PYHIN1: variants seen among roughly 807,000 people sequenced by gnomAD.
The protein encoded by PYHIN1 is pyrin and HIN domain family member 1.
A neutral mutation model predicts 43.7 loss-of-function variants in PYHIN1; 32 were observed. That is an observed-to-expected ratio of 0.73 (90% CI 0.55 to 0.98). The LOEUF (loss-of-function observed/expected upper bound fraction) is 0.98, where lower values mean the gene tolerates loss of function less well. Among genes scored for constraint, PYHIN1 ranks in the 50% least tolerant of loss-of-function variants. The pLI, the probability that PYHIN1 is intolerant of heterozygous loss-of-function variation, is 0.00. For synonymous variants in PYHIN1, 205 were observed against 203.1 expected, an observed-to-expected ratio of 1.01 and a Z score of -0.08; for missense variants, 588 against 589.5, an observed-to-expected ratio of 1.00 and a Z score of 0.03.
chr1:158,985,841 G>T, the PYHIN1 span, among the ~76,000 whole-genome samples: 2 of 152,126 alleles, frequency 1.3e-5, no homozygotes, highest in African/African-American at 4.8e-5. Flanking sequence ...TTGAAGTTTC[G>T]TTCATATTTT....
chr1:158,985,347 A>G, the PYHIN1 span, among the ~76,000 whole-genome samples: 1 of 152,176 alleles, frequency 6.6e-6, no homozygotes, highest in Non-Finnish European at 1.5e-5. Context: ...GGCAGGCCTA[A>G]TGGTAACAAA....
chr1:158,944,974 C>G lies in PYHIN1; in HGVS notation c.1291C>G (p.Leu431Val), dbSNP rs141329952. Residue 431 changes from leucine to valine, a missense_variant, in exon 7 of 9, where the codon CTA becomes GTA. Physicochemically the swap from Leu to Val is conservative, Grantham distance 32. Transcript: ENST00000368140. ...HPKPSEASTT[L>V]PESHLKTPQM... Reference sequence around the variant, plus strand: ...AAAACCTTCAGAGGCCAGCACAACCCTACCTGAAAGCCATCTCAAGACTCC... The same window carrying G: ...AAAACCTTCAGAGGCCAGCACAACCGTACCTGAAAGCCATCTCAAGACTCC... 7.4e-6 allele frequency: 12 copies of G among 1,613,940 alleles called. No individual in the cohort carries two copies. Among genetic ancestry groups the G allele is most frequent in the Middle Eastern group, 1.6e-4 (1 of 6,062 alleles).
chr1:158,959,364 C>A (rs947368191), intron 7 of PYHIN1, among the ~76,000 whole-genome samples: 1 of 151,808 alleles, frequency 6.6e-6, no homozygotes, highest in Non-Finnish European at 1.5e-5. Context: ...AATCAACAAA[C>A]CTGTGGGTAA....
chr1:158,973,472 T>C (rs1011822625), intron 7 of PYHIN1, among the ~76,000 whole-genome samples, 175 bp from the exon 8 acceptor site: 10 of 149,608 alleles, frequency 6.7e-5, no homozygotes, highest in Non-Finnish European at 1.0e-4. Context: ...TCCAGAGAGA[T>C]TAGCAGAGGG....
At chr1:158,984,028 G>GTTTTTTTTTTTTTTTTTTTT in the PYHIN1 span, among the ~76,000 whole-genome samples, 5 of 111,206 alleles carry the variant, frequency 4.5e-5, no homozygotes, top group African/African-American at 1.8e-4. Flanking sequence ...ATCTTCTCCT[G>GTTTTTTTTTTTTTTTTTTTT]TTTTTTTTTT....
chr1:158,987,753 G>C, the PYHIN1 span, among the ~76,000 whole-genome samples: 1 of 151,976 alleles, frequency 6.6e-6, no homozygotes, highest in Non-Finnish European at 1.5e-5. Flanking sequence ...ATTTGTATGT[G>C]ACTATCTAGT....
intron 2 of PYHIN1, among the ~76,000 whole-genome samples, chr1:158,937,443 G>A (rs919426017): frequency 6.6e-6 from 1 of 152,124 alleles, no homozygotes; most frequent in African/African-American, 2.4e-5. Flanking sequence ...TAGTACATTC[G>A]AAAGATTACA....
chr1:158,972,087 G>A (rs1383668405), intron 7 of PYHIN1, among the ~76,000 whole-genome samples: 8 of 151,938 alleles, frequency 5.3e-5, no homozygotes, highest in Non-Finnish European at 8.8e-5. Flanking sequence ...CAGAAAAGTC[G>A]ATCTTTTCTT....
intron 7 of PYHIN1, among the ~76,000 whole-genome samples, chr1:158,961,841 CT>C (rs1319997346): frequency 6.6e-6 from 1 of 152,170 alleles, no homozygotes; most frequent in Non-Finnish European, 1.5e-5. Context: ...GCGGCTGCAG[CT>C]CTGGCAATAG....
rs1272862367 is a variant in PYHIN1, at chr1:158,976,718, T to C, written c.*23T>C. 1.9e-6 allele frequency: 3 copies of C among 1,603,954 alleles called. No individual in the cohort carries two copies. The highest frequency in any genetic ancestry group is 8.5e-7 in the Non-Finnish European group (1 of 1,174,882). On this transcript the variant is annotated 3_prime_UTR_variant, in exon 9 of 9. Coordinates refer to ENST00000368140, the MANE Select transcript of PYHIN1 (RefSeq NM_152501.5). ...GCTTCAAGGTCACCAAGGACAAGGA[T>C]ATCAAATAACTACTGTTCAATCTTT...
chr1:158,945,549 G>T (rs748507125), intron 7 of PYHIN1, among the ~76,000 whole-genome samples: 1 of 152,076 alleles, frequency 6.6e-6, no homozygotes, highest in Non-Finnish European at 1.5e-5. Flanking sequence ...TTTTCCTCTG[G>T]CAAGTCCTCA....
intron 4 of PYHIN1, chr1:158,939,711 C>T: frequency 1.7e-6 from 1 of 601,764 alleles, no homozygotes; most frequent in South Asian, 2.2e-5. Context: ...GGAATCCTCA[C>T]TTAGACCCCT....
Position 158,937,156 on chromosome 1 carries a change from T to C in PYHIN1, c.246T>C (p.Leu82=), listed in dbSNP as rs1160837895. The part of the protein sequence containing the change: ...IPTLGDLAET[L]KREKLKVANK... ...CACTGGGAGACCTTGCTGAAACTCT[T>C]AAAAGAGAAAAGTTAAAAGGTAATT... Residue 82 remains leucine (L), a synonymous_variant, in exon 2 of 9, where the codon CTT becomes CTC. Transcript: ENST00000368140. 2 of 1,591,964 alleles carry C rather than the reference T, an allele frequency of 1.3e-6. No individual in the cohort carries two copies. The highest frequency in any genetic ancestry group is 2.7e-5 in the African/African-American group (2 of 73,696).
intron 7 of PYHIN1, among the ~76,000 whole-genome samples, chr1:158,955,972 C>A (rs112763169): frequency 4.9e-4 from 68 of 138,732 alleles, no homozygotes; most frequent in Admixed American, 1.9e-3. Context: ...ATACTACAAA[C>A]ACCTCTATGC....
chr1:158,949,973 A>G (rs1295672734), intron 7 of PYHIN1, among the ~76,000 whole-genome samples: 4 of 152,200 alleles, frequency 2.6e-5, no homozygotes, highest in Non-Finnish European at 5.9e-5. Flanking sequence ...AACCTTTATA[A>G]CTTACACACA....
intron 7 of PYHIN1, among the ~76,000 whole-genome samples, chr1:158,967,544 A>T (rs961348060): frequency 8.5e-5 from 13 of 152,174 alleles, no homozygotes; most frequent in Non-Finnish European, 1.5e-4. Flanking sequence ...ATTCAATGCT[A>T]TTCCTATCAA....
chr1:158,970,067 G>A (rs1038706204), intron 7 of PYHIN1, among the ~76,000 whole-genome samples: 5 of 151,802 alleles, frequency 3.3e-5, no homozygotes, highest in East Asian at 1.9e-4. Context: ...TATGCTTTGG[G>A]ATCTAAACCC....
At position 158,959,078 on chromosome 1, in the gene PYHIN1, C is replaced by T. The variant is rs139251120; in HGVS notation, c.1359+14036C>T. On this transcript the variant is annotated intron_variant, in intron 7 of 8. Coordinates refer to ENST00000368140, the MANE Select transcript of PYHIN1 (RefSeq NM_152501.5). ...ATGACTTACTGACTCACTGACCGTG[C>T]AGTTTTTTTCACCTTCGTTTTTGGG... Among the ~76,000 whole-genome samples, 54 of 151,938 alleles carry T rather than the reference C, an allele frequency of 3.6e-4. No homozygotes were observed. In the East Asian group the frequency reaches 8.5e-3, roughly 24 times the overall value.
chr1:158,973,538 T>C (rs12145823), intron 7 of PYHIN1, 109 bp from the exon 8 acceptor site: 91,345 of 763,694 alleles, frequency 0.12, 6,436 homozygotes, highest in African/African-American at 0.35. Context: ...CACACACACA[T>C]ATACACACAT....
Sources: gnomAD v4.1 joint callset for allele counts (sites outside exome capture counted in the v4.1 genomes callset) on GRCh38, gnomAD v4.1.1 for gene constraint, MANE v1.5 for transcripts, NCBI Gene and HGNC (gene_info 2026-07-23, HGNC 2026-07-21) for gene names.